The following GTF2H4 variants were observed in gnomAD, a reference collection of about 807,000 sequenced individuals.
The protein encoded by GTF2H4 is general transcription factor IIH subunit 4.
In GTF2H4, 49 loss-of-function variants were observed where a neutral mutation model predicts 62.2. The ratio of observed to expected loss-of-function variants is 0.79; its 90% CI spans 0.63 to 1.00. GTF2H4 has a LOEUF of 1.00. GTF2H4 is among the 50% of genes least tolerant of loss of function. The pLI, the probability that GTF2H4 is intolerant of heterozygous loss-of-function variation, is 0.00. For missense variants in GTF2H4, 479 were observed against 587.8 expected (o/e 0.81, Z 1.91); for synonymous variants, 189 against 233.8 (o/e 0.81, Z 1.75).
Position 30,913,461 on chromosome 6 carries a change from T to G in GTF2H4, c.1216+74T>G. 1 of 1,509,728 alleles carries G rather than the reference T, an allele frequency of 6.6e-7. No individual in the cohort carries two copies. Among genetic ancestry groups the G allele is most frequent in the East Asian group, 2.3e-5 (1 of 44,120 alleles). The allele number at this position is 1,509,728 out of a possible 1,614,324, so 93.5% of individuals were successfully genotyped here. On this transcript the variant is annotated intron_variant, in intron 13 of 13. Coordinates refer to ENST00000259895, the MANE Select transcript of GTF2H4 (RefSeq NM_001517.5). The surrounding 1 kb of genome is among the most constrained non-coding windows in gnomAD (Gnocchi z 4.2). ...CAGACAGTTCAGTCTGCATTTTATT[T>G]TTTACTTCATGGACTAGGAGAGAAA...
Position 30,911,339 on chromosome 6 carries a change from C to T in GTF2H4, c.672+70C>T. 1.3e-6 allele frequency: 2 copies of T among 1,520,502 alleles called. No homozygotes were observed. Among genetic ancestry groups the T allele is most frequent in the East Asian group, 4.5e-5 (2 of 44,436 alleles). The allele number at this position is 1,520,502 out of a possible 1,614,324, so 94.2% of individuals were successfully genotyped here. A position where few individuals can be genotyped will look rare whatever the true frequency, so the allele number is the denominator to read the frequency against. ...GGTCTCACTGAGAGACTCCTGCCTACAGACTGTTCCCTGATTTTCTCTTCT... is the reference window on the plus strand; with the variant it reads ...GGTCTCACTGAGAGACTCCTGCCTATAGACTGTTCCCTGATTTTCTCTTCT... On this transcript the variant is annotated intron_variant, in intron 7 of 13. Transcript: ENST00000259895. This position sits in a 1 kb window ranked among gnomAD's most constrained non-coding sequence, Gnocchi z 4.3.
chr6:30,910,058 G>T lies in GTF2H4; in HGVS notation c.369G>T (p.Leu123=), dbSNP rs771862850. 5.0e-6 allele frequency: 8 copies of T among 1,612,682 alleles called. No individual in the cohort carries two copies. Among genetic ancestry groups the T allele is most frequent in the Non-Finnish European group, 6.8e-6 (8 of 1,179,912 alleles). Residue 123 remains leucine, a synonymous_variant, in exon 4 of 14, where the codon CTG becomes CTT. Transcript: ENST00000259895. The surrounding 1 kb of genome is among the most constrained non-coding windows in gnomAD (Gnocchi z 4.7). ...GCCAGAACCTCCGCATTGCCCTTCT[G>T]GGTGGGTATGTCACTTCTCTCTCTT... ...IFRQNLRIAL[L]GGGKAWSDDT...
chr6:30,912,473 G>A lies in GTF2H4; in HGVS notation c.1089+15G>A, dbSNP rs762111510. On this transcript the variant is annotated intron_variant, in intron 11 of 13. Coordinates refer to ENST00000259895, the MANE Select transcript of GTF2H4 (RefSeq NM_001517.5). The surrounding 1 kb of genome is among the most constrained non-coding windows in gnomAD (Gnocchi z 4.8). ...CAGCCCAGCAGGTATTCCCACTTGG[G>A]AGAGGTGGAGCAGGAAGACAGGCTG... The A allele has an allele frequency of 3.1e-6, 5 of 1,611,446 alleles. No homozygotes were observed. Among genetic ancestry groups the A allele is most frequent in the South Asian group, 1.1e-5 (1 of 91,044 alleles).
chr6:30,912,234 G>T lies in GTF2H4; in HGVS notation c.958+88G>T. The T allele has an allele frequency of 6.2e-7, 1 of 1,601,196 alleles. No homozygotes were observed. The highest frequency in any genetic ancestry group is 8.5e-7 in the Non-Finnish European group (1 of 1,172,554). On this transcript the variant is annotated intron_variant, in intron 10 of 13. Transcript: ENST00000259895. This position sits in a 1 kb window ranked among gnomAD's most constrained non-coding sequence, Gnocchi z 4.8. ...TCGTGTTTACCTGGCAGTCTACAGA[G>T]CTCTCTGACATTTCTCATGACACTT...
At position 30,912,307 on chromosome 6, in the gene GTF2H4, CTCTT is replaced by C. The variant is rs762674942; in HGVS notation, c.959-17_959-14del. On this transcript the variant is annotated splice_polypyrimidine_tract_variant and intron_variant, in intron 10 of 13. Transcript: ENST00000259895. This position sits in a 1 kb window ranked among gnomAD's most constrained non-coding sequence, Gnocchi z 4.8. ...TGGGTGTGGGGGTGGCCTCCTCATC[CTCTT>C]TCTATCCCTGGCTCAGAGTCGGAGC... The C allele has an allele frequency of 1.3e-5, 21 of 1,612,498 alleles. No homozygotes were observed. Among genetic ancestry groups the C allele is most frequent in the Non-Finnish European group, 1.8e-5 (21 of 1,179,714 alleles).
At position 30,909,541 on chromosome 6, in the gene GTF2H4, T is replaced by C; in HGVS notation, c.242+2T>C. 6.3e-7 allele frequency: 1 copy of C among 1,579,176 alleles called. No individual in the cohort carries two copies. The highest frequency in any genetic ancestry group is 8.7e-7 in the Non-Finnish European group (1 of 1,149,288). ...GTGGGTAAAGAAGGAATTCAGCAAG[T>C]AAGTCTCAGCCAGATACAAATTTCT... On this transcript the variant is annotated splice_donor_variant, in intron 3 of 13. Coordinates refer to ENST00000259895, the MANE Select transcript of GTF2H4 (RefSeq NM_001517.5). LOFTEE classifies it high-confidence loss of function. The surrounding 1 kb of genome is among the most constrained non-coding windows in gnomAD (Gnocchi z 4.3).
At chr6:30,908,859 G>C (rs1477471424) in intron 1 of GTF2H4, among the ~76,000 whole-genome samples, 175 bp from the exon 2 acceptor site, 1 of 152,216 alleles carries the variant, frequency 6.6e-6, no homozygotes, top group African/African-American at 2.4e-5. Flanking sequence ...GGCAAGAAAG[G>C]GAGGGAGATT....
At position 30,914,073 on chromosome 6, in the gene GTF2H4, C is replaced by A. The variant is rs1035201152; in HGVS notation, c.*90C>A. The A allele has an allele frequency of 7.1e-6, 9 of 1,259,534 alleles. No homozygotes were observed. The highest frequency in any genetic ancestry group is 5.8e-5 in the Admixed American group (2 of 34,346). 78.0% of individuals were successfully genotyped at this position (1,259,534 alleles called of 1,614,324 possible). ...GGTGTTTTTTATTTACGCGTCAGGG[C>A]TTTTCTTGTTTAATAAAGTTATGAT... is the stretch of plus-strand genomic sequence containing the variant. On this transcript the variant is annotated 3_prime_UTR_variant, in exon 14 of 14. Coordinates refer to ENST00000259895, the MANE Select transcript of GTF2H4 (RefSeq NM_001517.5).
rs200588292 is a variant in GTF2H4, at chr6:30,913,178, G to T, written c.1137+21G>T. On this transcript the variant is annotated intron_variant, in intron 12 of 13. Transcript: ENST00000259895. This position sits in a 1 kb window ranked among gnomAD's most constrained non-coding sequence, Gnocchi z 4.2. ...AACAGGTATAGACAGGCTCCAAGAT[G>T]TCAGAGGCTGGCAGCTGGTGATGAC... The T allele has an allele frequency of 3.1e-6, 5 of 1,613,998 alleles. No individual in the cohort carries two copies. The East Asian group carries it at 1.1e-4, about 36-fold the overall frequency.
chr6:30,909,792 T>C lies in GTF2H4; in HGVS notation c.243-140T>C. The stretch of plus-strand genomic sequence containing the variant: ...CTGATAAGTAATGCAGTAAAGAATT[T>C]GTCTTAGGAAGATACTAATTTCACT... On this transcript the variant is annotated intron_variant, in intron 3 of 13. Coordinates refer to ENST00000259895, the MANE Select transcript of GTF2H4 (RefSeq NM_001517.5). This position sits in a 1 kb window ranked among gnomAD's most constrained non-coding sequence, Gnocchi z 4.3. The C allele has an allele frequency of 1.3e-6, 1 of 796,352 alleles. No individual in the cohort carries two copies. The highest frequency in any genetic ancestry group is 2.5e-5 in the East Asian group (1 of 40,538). The allele number at this position is 796,352 out of a possible 1,614,324, so 49.3% of individuals were successfully genotyped here. A position where few individuals can be genotyped will look rare whatever the true frequency, so the allele number is the denominator to read the frequency against.
chr6:30,912,606 G>A lies in GTF2H4; in HGVS notation c.1089+148G>A, dbSNP rs572542283. Reference sequence around the variant, plus strand: ...GTTTGAAGAGAAATGAAGGCTTTGGGTGTGAGAATAGGTAGACCCTTGAGG... The same window carrying A: ...GTTTGAAGAGAAATGAAGGCTTTGGATGTGAGAATAGGTAGACCCTTGAGG... On this transcript the variant is annotated intron_variant, in intron 11 of 13. Coordinates refer to ENST00000259895, the MANE Select transcript of GTF2H4 (RefSeq NM_001517.5). This position sits in a 1 kb window ranked among gnomAD's most constrained non-coding sequence, Gnocchi z 4.8. The A allele has an allele frequency of 2.0e-6, 2 of 1,018,196 alleles. No individual in the cohort carries two copies. Among genetic ancestry groups the A allele is most frequent in the African/African-American group, 1.6e-5 (1 of 62,716 alleles). The allele number at this position is 1,018,196 out of a possible 1,614,324, so 63.1% of individuals were successfully genotyped here. A position where few individuals can be genotyped will look rare whatever the true frequency, so the allele number is the denominator to read the frequency against.
At position 30,909,233 on chromosome 6, in the gene GTF2H4, CAT is replaced by C; in HGVS notation, c.137+62_137+63del. 1 of 1,548,090 alleles carries C rather than the reference CAT, an allele frequency of 6.5e-7. No individual in the cohort carries two copies. The highest frequency in any genetic ancestry group is 1.2e-5 in the South Asian group (1 of 83,706). On this transcript the variant is annotated intron_variant, in intron 2 of 13. Coordinates refer to ENST00000259895, the MANE Select transcript of GTF2H4 (RefSeq NM_001517.5). The surrounding 1 kb of genome is among the most constrained non-coding windows in gnomAD (Gnocchi z 4.3). ...GGGTCTGCGGAGTGGAATAAAATAT[CAT>C]AGGTAAAAGTGTAGCAGCCTGGAGT...
chr6:30,909,324 A>G lies in GTF2H4; in HGVS notation c.138-111A>G. ...AAAGTGTGGAGGCCAAAACAGCAGGACTGGTAAAGTTGTGCTGGAGTGAGA... is the reference window on the plus strand; with the variant it reads ...AAAGTGTGGAGGCCAAAACAGCAGGGCTGGTAAAGTTGTGCTGGAGTGAGA... On this transcript the variant is annotated intron_variant, in intron 2 of 13. Coordinates refer to ENST00000259895, the MANE Select transcript of GTF2H4 (RefSeq NM_001517.5). This position sits in a 1 kb window ranked among gnomAD's most constrained non-coding sequence, Gnocchi z 4.3. The G allele has an allele frequency of 8.2e-7, 1 of 1,223,348 alleles. No homozygotes were observed. 75.8% of individuals were successfully genotyped at this position (1,223,348 alleles called of 1,614,324 possible).
rs542681260 is a variant in GTF2H4 at position 30,914,063 on chromosome 6, C to T, written c.*80C>T. ...TCAGAACTCAGGTGTTTTTTATTTA[C>T]GCGTCAGGGCTTTTCTTGTTTAATA... On this transcript the variant is annotated 3_prime_UTR_variant, in exon 14 of 14. Coordinates refer to ENST00000259895, the MANE Select transcript of GTF2H4 (RefSeq NM_001517.5). The T allele has an allele frequency of 3.1e-6, 4 of 1,293,548 alleles. No individual in the cohort carries two copies. The highest frequency in any genetic ancestry group is 5.3e-5 in the East Asian group (2 of 37,700). 80.1% of individuals were successfully genotyped at this position (1,293,548 alleles called of 1,614,324 possible).
chr6:30,913,172 C>T lies in GTF2H4; in HGVS notation c.1137+15C>T. 1.2e-6 allele frequency: 2 copies of T among 1,613,962 alleles called. No homozygotes were observed. Among genetic ancestry groups the T allele is most frequent in the Non-Finnish European group, 1.7e-6 (2 of 1,179,888 alleles). ...TGCTCAAACAGGTATAGACAGGCTC[C>T]AAGATGTCAGAGGCTGGCAGCTGGT... On this transcript the variant is annotated intron_variant, in intron 12 of 13. Coordinates refer to ENST00000259895, the MANE Select transcript of GTF2H4 (RefSeq NM_001517.5). The surrounding 1 kb of genome is among the most constrained non-coding windows in gnomAD (Gnocchi z 4.2).
Position 30,912,444 on chromosome 6 carries a change from A to G in GTF2H4, c.1075A>G (p.Ile359Val). The change falls in exon 11 of 14, where the codon ATC becomes GTC. Residue 359 changes from isoleucine to valine, a missense_variant. By Grantham distance (29) the Ile-to-Val change is conservative. Coordinates refer to ENST00000259895, the MANE Select transcript of GTF2H4 (RefSeq NM_001517.5). The surrounding 1 kb of genome is among the most constrained non-coding windows in gnomAD (Gnocchi z 4.8). ...TGTGCAGCAGGCAATCGCCAGTGGC[A>G]TCACAGCCCAGCAGGTATTCCCACT... Reference protein sequence around the residue: ...ESVQQAIASGITAQQIIHFLR... With the variant: ...ESVQQAIASGVTAQQIIHFLR... The G allele has an allele frequency of 6.2e-7, 1 of 1,612,566 alleles. No homozygotes were observed. Among genetic ancestry groups the G allele is most frequent in the Non-Finnish European group, 8.5e-7 (1 of 1,180,022 alleles).
intron 1 of GTF2H4, 93 bp from the exon 2 acceptor site, chr6:30,908,941 G>A (rs183973948): frequency 1.2e-5 from 17 of 1,412,496 alleles, no homozygotes; most frequent in Non-Finnish European, 1.7e-5. Flanking sequence ...TGGGGTTATT[G>A]TGGGGACTGA....
chr6:30,908,581 G>T (rs893522134), intron 1 of GTF2H4, among the ~76,000 whole-genome samples, 178 bp downstream of exon 1: 7 of 152,182 alleles, frequency 4.6e-5, no homozygotes, highest in African/African-American at 1.4e-4. Context: ...TGGGAAGCAT[G>T]GAGGGGAGAG....
At position 30,909,173 on chromosome 6, in the gene GTF2H4, G is replaced by C. The variant is rs1793664843; in HGVS notation, c.137G>C (p.Arg46Thr). Reference protein sequence around the residue: ...GHPATCLAVFRELPSLAKNWV... With the variant: ...GHPATCLAVFTELPSLAKNWV... Reference sequence around the variant, plus strand: ...CCTGCCACATGTCTGGCTGTCTTCAGGTGAGAAGCCCCTTCATGGCAGGGA... The same window carrying C: ...CCTGCCACATGTCTGGCTGTCTTCACGTGAGAAGCCCCTTCATGGCAGGGA... Residue 46 changes from arginine (R) to threonine (T), a missense_variant and splice_region_variant, in exon 2 of 14, where the codon AGG (arginine) becomes ACG (threonine). Transcript: ENST00000259895. This position sits in a 1 kb window ranked among gnomAD's most constrained non-coding sequence, Gnocchi z 4.3. 5 of 1,612,098 alleles carry C rather than the reference G, an allele frequency of 3.1e-6. No individual in the cohort carries two copies. The East Asian group carries it at 1.1e-4, about 36-fold the overall frequency.
Sources: gnomAD v4.1 joint callset for allele counts (sites outside exome capture counted in the v4.1 genomes callset) on GRCh38, gnomAD v4.1.1 for gene constraint, Gnocchi (gnomAD v3.1) non-coding constraint, MANE v1.5 for transcripts, NCBI Gene and HGNC (gene_info 2026-07-23, HGNC 2026-07-21) for gene names.